SLC31A1: variants seen among roughly 807,000 people sequenced by gnomAD.
SLC31A1 encodes high affinity copper uptake protein 1.
In SLC31A1, 5 loss-of-function variants were observed where a neutral mutation model predicts 17.2. The observed-to-expected ratio is 0.29, with a 90% CI of 0.15 to 0.61. SLC31A1 has a LOEUF of 0.61. Ranked by LOEUF, SLC31A1 falls within the 20% of genes least tolerant of loss-of-function variation. The pLI is 0.86. For missense variants in SLC31A1, 161 were observed against 241.4 expected (o/e 0.67, Z 2.21); for synonymous variants, 76 against 78.8 (o/e 0.96, Z 0.19).
At position 113,245,951 on chromosome 9, in the gene SLC31A1, C is replaced by T. The variant is rs74567815; in HGVS notation, c.-35-10163C>T. On this transcript the variant is annotated intron_variant, in intron 1 of 4. Coordinates refer to ENST00000374212, the MANE Select transcript of SLC31A1 (RefSeq NM_001859.4). The stretch of plus-strand genomic sequence containing the variant: ...ACCCAGCTCTAAGTTCTGTTTATTG[C>T]AGTATTATATCAAGGTCTCCCCTTT... Among the ~76,000 whole-genome samples, 278 of 151,590 alleles carry T rather than the reference C, an allele frequency of 1.8e-3. 1 individual carries two copies. The highest frequency in any genetic ancestry group is 3.4e-3 in the Middle Eastern group (1 of 294).
Position 113,257,177 on chromosome 9 carries a change from C to T in SLC31A1, c.194C>T (p.Thr65Ile), listed in dbSNP as rs926169260. Reference protein sequence around the residue: ...ELLFSGLVINTAGEMAGAFVA... With the variant: ...ELLFSGLVINIAGEMAGAFVA... ...CTGTTTTCCGGTTTGGTGATCAATACAGCTGGAGGTGAGTAAGCCATTAGG... is the reference window on the plus strand; with the variant it reads ...CTGTTTTCCGGTTTGGTGATCAATATAGCTGGAGGTGAGTAAGCCATTAGG... The change falls in exon 3 of 5, where the codon ACA becomes ATA. Residue 65 changes from threonine (T) to isoleucine (I), a missense_variant. Physicochemically the swap from Thr to Ile is moderately conservative, Grantham distance 89 (BLOSUM62 -1). Transcript: ENST00000374212. 2.5e-6 allele frequency: 4 copies of T among 1,613,324 alleles called. No individual in the cohort carries two copies. In the African/African-American group the frequency reaches 4.0e-5, roughly 16 times the overall value.
At chr9:113,249,783 A>G (rs143219902) in intron 1 of SLC31A1, among the ~76,000 whole-genome samples, 9,024 of 152,220 alleles carry the variant, frequency 0.059, 313 homozygotes, top group African/African-American at 0.08. Flanking sequence ...CTCATCTGAC[A>G]AAGGGCTAAT....
chr9:113,261,390 CA>C lies in SLC31A1; in HGVS notation c.*918del, dbSNP rs1831791709. 1 of 152,614 alleles carries C rather than the reference CA, an allele frequency of 6.6e-6. No individual in the cohort carries two copies. 9.5% of individuals were successfully genotyped at this position (152,614 alleles called of 1,614,324 possible). A position where few individuals can be genotyped will look rare whatever the true frequency, so the allele number is the denominator to read the frequency against. ...CAGAGCGGTGGTTTGAGACTAAATA[CA>C]GGCTTAGAACTTGCAGAGTGTGTAT... is the stretch of plus-strand genomic sequence containing the variant. On this transcript the variant is annotated 3_prime_UTR_variant, in exon 5 of 5. Coordinates refer to ENST00000374212, the MANE Select transcript of SLC31A1 (RefSeq NM_001859.4).
chr9:113,264,206 C>T lies in SLC31A1; in HGVS notation c.*3733C>T, dbSNP rs1181001982. 28 of 151,672 alleles carry T rather than the reference C, an allele frequency of 1.8e-4. No individual in the cohort carries two copies. Among genetic ancestry groups the T allele is most frequent in the Admixed American group, 1.4e-3 (22 of 15,192 alleles). The allele number at this position is 151,672 out of a possible 1,614,324, so 9.4% of individuals were successfully genotyped here. A position where few individuals can be genotyped will look rare whatever the true frequency, so the allele number is the denominator to read the frequency against. ...GTGCATGCCTGTAATCCCAGCTACT[C>T]GGGAGGCTGAGGCAGGAGAATCGCT... On this transcript the variant is annotated 3_prime_UTR_variant, in exon 5 of 5. Transcript: ENST00000374212.
chr9:113,237,187 A>G (rs757898660), intron 1 of SLC31A1, among the ~76,000 whole-genome samples: 6 of 152,250 alleles, frequency 3.9e-5, no homozygotes, highest in Non-Finnish European at 8.8e-5. Flanking sequence ...ACTTAGAGGT[A>G]GAGCAGCCAA....
At chr9:113,231,225 A>G (rs1241213755) in intron 1 of SLC31A1, among the ~76,000 whole-genome samples, 1 of 152,164 alleles carries the variant, frequency 6.6e-6, no homozygotes. Context: ...AAATGCGCAC[A>G]CACACCTATC....
chr9:113,247,925 T>C (rs1212331810), intron 1 of SLC31A1, among the ~76,000 whole-genome samples: 1 of 152,164 alleles, frequency 6.6e-6, no homozygotes, highest in African/African-American at 2.4e-5. Flanking sequence ...AGAAAGAAAC[T>C]CCTTTTATTA....
At chr9:113,233,679 G>A (rs1328929162) in intron 1 of SLC31A1, among the ~76,000 whole-genome samples, 2 of 152,100 alleles carry the variant, frequency 1.3e-5, no homozygotes, top group Non-Finnish European at 2.9e-5. Flanking sequence ...ATTAGGTGGT[G>A]GTCTGTGCAA....
At chr9:113,255,176 G>C (rs757473130) in intron 1 of SLC31A1, among the ~76,000 whole-genome samples, 37 of 152,342 alleles carry the variant, frequency 2.4e-4, no homozygotes, top group South Asian at 8.3e-4. Context: ...TGGTTGTCCT[G>C]TATGTGAAAA....
At chr9:113,250,477 A>G (rs1253923461) in intron 1 of SLC31A1, among the ~76,000 whole-genome samples, 5 of 146,460 alleles carry the variant, frequency 3.4e-5, no homozygotes, top group East Asian at 4.2e-4. Flanking sequence ...GAATTGAACA[A>G]TGAGAACACA....
At chr9:113,254,363 A>C (rs1831696036) in intron 1 of SLC31A1, among the ~76,000 whole-genome samples, 1 of 152,124 alleles carries the variant, frequency 6.6e-6, no homozygotes, top group Non-Finnish European at 1.5e-5. Context: ...TGTCTTATTC[A>C]TTGTTGAATT....
At chr9:113,231,833 T>C (rs1238850097) in intron 1 of SLC31A1, among the ~76,000 whole-genome samples, 3 of 152,206 alleles carry the variant, frequency 2.0e-5, no homozygotes, top group African/African-American at 7.2e-5. Flanking sequence ...AACTTGTCTA[T>C]GGGCCATACG....
chr9:113,221,765 T>G (rs978369854), intron 1 of SLC31A1, 87 bp downstream of exon 1: 1 of 188,974 alleles, frequency 5.3e-6, no homozygotes, highest in Non-Finnish European at 1.1e-5. Flanking sequence ...CTCGCCGCTT[T>G]CCTCAGCTCC....
rs139216753 is a variant in SLC31A1 at position 113,234,134 on chromosome 9, C to T, written c.-36+12456C>T. ...TGGTGACTGTTCTACTCTCTACCTC[C>T]GTAGGATCAACTTTTTTGGCTCCCA... On this transcript the variant is annotated intron_variant, in intron 1 of 4. Transcript: ENST00000374212. Among the ~76,000 whole-genome samples the T allele has an allele frequency of 3.3e-5, 5 of 152,228 alleles. No individual in the cohort carries two copies. In the East Asian group the frequency reaches 5.8e-4, roughly 18 times the overall value.
rs532407930 is a variant in SLC31A1, at chr9:113,227,792, C to T, written c.-36+6114C>T. 3 of 152,248 alleles carry T rather than the reference C, an allele frequency of 2.0e-5. No homozygotes were observed. The South Asian group carries it at 6.2e-4, about 32-fold the overall frequency. The allele number at this position is 152,248 out of a possible 1,614,324, so 9.4% of individuals were successfully genotyped here. A position where few individuals can be genotyped will look rare whatever the true frequency, so the allele number is the denominator to read the frequency against. ...TAAAGCAAAGTTTAGACAAGGAGGA[C>T]CATTGTCTACATTTGATTATAACAA... On this transcript the variant is annotated intron_variant, in intron 1 of 4. Transcript: ENST00000374212.
intron 1 of SLC31A1, among the ~76,000 whole-genome samples, chr9:113,252,403 C>T (rs1157914899): frequency 6.6e-6 from 1 of 152,188 alleles, no homozygotes; most frequent in Non-Finnish European, 1.5e-5. Context: ...TCAAGCGATT[C>T]TCCTGCCTCA....
intron 4 of SLC31A1, among the ~76,000 whole-genome samples, chr9:113,259,505 A>G (rs560547502): frequency 1.3e-5 from 2 of 152,150 alleles, no homozygotes; most frequent in African/African-American, 4.8e-5. Flanking sequence ...ATGAGTAGCC[A>G]GGTCTCCTTA....
chr9:113,249,256 G>A (rs1007462962), intron 1 of SLC31A1, among the ~76,000 whole-genome samples: 5 of 139,338 alleles, frequency 3.6e-5, no homozygotes, highest in Admixed American at 2.2e-4. Flanking sequence ...AGTATTGAAC[G>A]ATTTTGAATT....
intron 1 of SLC31A1, among the ~76,000 whole-genome samples, chr9:113,228,022 G>T (rs1831360895): frequency 6.6e-6 from 1 of 152,198 alleles, no homozygotes; most frequent in Non-Finnish European, 1.5e-5. Context: ...AAATTGGAAA[G>T]TATTTAACAT....
Sources: allele counts gnomAD v4.1 joint callset (sites outside exome capture counted in the v4.1 genomes callset), GRCh38; gene constraint gnomAD v4.1.1; transcripts MANE v1.5; gene names NCBI Gene and HGNC (gene_info 2026-07-23, HGNC 2026-07-21).